SPIDR: variants seen among roughly 807,000 people sequenced by gnomAD.
The protein encoded by SPIDR is scaffold protein involved in DNA repair.
A neutral mutation model predicts 104.6 loss-of-function variants in SPIDR; 93 were observed. The observed-to-expected ratio is 0.89, with a 90% CI of 0.75 to 1.06. The LOEUF is 1.06. Among genes scored for constraint, SPIDR ranks in the 50% least tolerant of loss-of-function variants. The pLI is 0.00. For missense variants in SPIDR, 1,154 were observed against 1,111.2 expected, an observed-to-expected ratio of 1.04 and a Z score of -0.55; for synonymous variants, 431 against 416.9, an observed-to-expected ratio of 1.03 and a Z score of -0.41.
intron 8 of SPIDR, among the ~76,000 whole-genome samples, chr8:47,529,337 G>C (rs2085541105): frequency 6.6e-6 from 1 of 152,120 alleles, no homozygotes; most frequent in Non-Finnish European, 1.5e-5. Flanking sequence ...AGAATCGTTT[G>C]AGCCCAGGAG....
intron 10 of SPIDR, among the ~76,000 whole-genome samples, chr8:47,666,172 AT>A (rs1232798893): frequency 6.6e-6 from 1 of 152,224 alleles, no homozygotes; most frequent in Non-Finnish European, 1.5e-5. Context: ...ACATGTGATT[AT>A]TTATATTTAA....
At position 47,540,949 on chromosome 8, in the gene SPIDR, T is replaced by C. The variant is rs142496086; in HGVS notation, c.1098-54862T>C. Among the ~76,000 whole-genome samples the C allele has an allele frequency of 2.6e-4, 39 of 152,300 alleles. No individual in the cohort carries two copies. The East Asian group carries it at 5.6e-3, about 22-fold the overall frequency. Reference sequence around the variant, plus strand: ...GTCTCAGCTCACTACAACCTCTACTTCTCAGGTTCATGCGATTTTCCTGCC... The same window carrying C: ...GTCTCAGCTCACTACAACCTCTACTCCTCAGGTTCATGCGATTTTCCTGCC... On this transcript the variant is annotated intron_variant, in intron 8 of 19. Coordinates refer to ENST00000297423, the MANE Select transcript of SPIDR (RefSeq NM_001080394.4).
At chr8:47,735,134 G>GTA (rs1238789353) in intron 19 of SPIDR, among the ~76,000 whole-genome samples, 173 bp from the exon 20 acceptor site, 1 of 151,156 alleles carries the variant, frequency 6.6e-6, no homozygotes, top group African/African-American at 2.4e-5. Context: ...GTGTGTGTGT[G>GTA]TAGTGGCTCT....
At chr8:47,713,789 C>A in intron 16 of SPIDR, 148 bp downstream of exon 16, 1 of 1,111,434 alleles carries the variant, frequency 9.0e-7, no homozygotes, top group Non-Finnish European at 1.3e-6. Flanking sequence ...AGAAATTGTT[C>A]TTGGTATCAG....
Position 47,407,853 on chromosome 8 carries a change from T to C in SPIDR, c.777-8T>C, listed in dbSNP as rs2062967781. ...ACTAAACTTAATACATTATAATTCA[T>C]TAAACAGAGGTGGACTAGCAGAAAG... is the stretch of plus-strand genomic sequence containing the variant. On this transcript the variant is annotated splice_region_variant and splice_polypyrimidine_tract_variant and intron_variant, in intron 6 of 19. Coordinates refer to ENST00000297423, the MANE Select transcript of SPIDR (RefSeq NM_001080394.4). The C allele has an allele frequency of 1.9e-6, 3 of 1,561,220 alleles. No homozygotes were observed. Among genetic ancestry groups the C allele is most frequent in the Non-Finnish European group, 2.6e-6 (3 of 1,139,610 alleles).
At position 47,704,421 on chromosome 8, in the gene SPIDR, G is replaced by A. The variant is rs543614306; in HGVS notation, c.1977+2406G>A. 2.4e-4 allele frequency among the ~76,000 whole-genome samples: 36 copies of A among 152,166 alleles called. No homozygotes were observed. The South Asian group carries it at 6.8e-3, about 29-fold the overall frequency. ...CTCTGATACACACAACCAAACCCTG[G>A]TGGAGCCTGGTGTGGGTTTCCTGAC... On this transcript the variant is annotated intron_variant, in intron 14 of 19. Transcript: ENST00000297423.
chr8:47,561,705 C>G (rs1587774425), intron 8 of SPIDR, among the ~76,000 whole-genome samples: 2 of 152,288 alleles, frequency 1.3e-5, no homozygotes, highest in Admixed American at 1.3e-4. Flanking sequence ...GCAGCTTTCT[C>G]ACCCTCTTCC....
At chr8:47,483,006 CCCCT>C (rs1260526776) in intron 8 of SPIDR, among the ~76,000 whole-genome samples, 2 of 152,242 alleles carry the variant, frequency 1.3e-5, no homozygotes, top group African/African-American at 4.8e-5. Flanking sequence ...GGAAAGGCCG[CCCCT>C]CTGCCCCTCC....
chr8:47,624,970 T>C (rs1057024420), intron 10 of SPIDR, among the ~76,000 whole-genome samples: 7 of 152,206 alleles, frequency 4.6e-5, no homozygotes, highest in African/African-American at 1.7e-4. Flanking sequence ...TTGATGAACA[T>C]TGATGCAAAA....
chr8:47,375,846 C>CTCT (rs2058608215), intron 5 of SPIDR, among the ~76,000 whole-genome samples: 2 of 152,124 alleles, frequency 1.3e-5, no homozygotes, highest in South Asian at 2.1e-4. Flanking sequence ...ATTTGGGGCT[C>CTCT]TTAGAAGCAT....
intron 16 of SPIDR, among the ~76,000 whole-genome samples, chr8:47,719,860 A>G (rs993048868): frequency 7.2e-5 from 11 of 152,220 alleles, no homozygotes; most frequent in East Asian, 3.9e-4. Context: ...CAGGGCTCCC[A>G]TGCCCCCCCA....
At chr8:47,668,747 C>G (rs1290377299) in intron 10 of SPIDR, among the ~76,000 whole-genome samples, 1 of 152,114 alleles carries the variant, frequency 6.6e-6, no homozygotes, top group Non-Finnish European at 1.5e-5. Context: ...AAACGGATTA[C>G]AAATAGTAAT....
chr8:47,299,683 G>A (rs1370181775), intron 5 of SPIDR, among the ~76,000 whole-genome samples: 1 of 152,082 alleles, frequency 6.6e-6, no homozygotes, highest in African/African-American at 2.4e-5. Context: ...TTTGTCAAAG[G>A]CCTTTTCTGC....
chr8:47,653,761 T>C (rs1424561034), intron 10 of SPIDR, among the ~76,000 whole-genome samples: 3 of 151,322 alleles, frequency 2.0e-5, no homozygotes, highest in Admixed American at 2.0e-4. Context: ...ACATACGGAA[T>C]AAGAAATAAG....
At chr8:47,710,005 G>A (rs942890776) in intron 14 of SPIDR, among the ~76,000 whole-genome samples, 3 of 151,722 alleles carry the variant, frequency 2.0e-5, no homozygotes, top group Non-Finnish European at 4.4e-5. Flanking sequence ...AGCCTCCAGA[G>A]GAGCAGGAAT....
At chr8:47,421,760 G>T (rs1554680908) in intron 7 of SPIDR, among the ~76,000 whole-genome samples, 1 of 152,132 alleles carries the variant, frequency 6.6e-6, no homozygotes, top group Non-Finnish European at 1.5e-5. Context: ...TTTGGTCTTT[G>T]ACGATGGTGA....
intron 2 of SPIDR, among the ~76,000 whole-genome samples, chr8:47,280,569 T>C (rs990622125): frequency 6.6e-4 from 101 of 152,132 alleles, no homozygotes; most frequent in Non-Finnish European, 1.2e-3. Flanking sequence ...ATTTTTGTAT[T>C]TTTTGTAGAG....
At chr8:47,297,871 G>A (rs1362622614) in intron 5 of SPIDR, among the ~76,000 whole-genome samples, 1 of 152,114 alleles carries the variant, frequency 6.6e-6, no homozygotes, top group Admixed American at 6.6e-5. Context: ...TGGACATTTG[G>A]GTTGCTTCCA....
chr8:47,272,719 A>G (rs2035587287), intron 1 of SPIDR, among the ~76,000 whole-genome samples: 1 of 152,112 alleles, frequency 6.6e-6, no homozygotes, highest in Non-Finnish European at 1.5e-5. Flanking sequence ...AGTTCAGCTA[A>G]AATCTGGGTT....
Sources: gnomAD v4.1 joint callset for allele counts (sites outside exome capture counted in the v4.1 genomes callset) on GRCh38, gnomAD v4.1.1 for gene constraint, MANE v1.5 for transcripts, NCBI Gene and HGNC (gene_info 2026-07-23, HGNC 2026-07-21) for gene names.